The following PIEZO2 variants were observed in gnomAD, a reference collection of about 807,000 sequenced individuals.
The protein encoded by PIEZO2 is piezo type mechanosensitive ion channel component 2.
In PIEZO2, 172 loss-of-function variants were observed where a neutral mutation model predicts 337.3. The observed-to-expected ratio is 0.51, with a 90% CI of 0.45 to 0.58. The LOEUF (loss-of-function observed/expected upper bound fraction) is 0.58, where lower values mean the gene tolerates loss of function less well. Among genes scored for constraint, PIEZO2 ranks in the 20% least tolerant of loss-of-function variants. PIEZO2 has a pLI of 0.00. For missense variants in PIEZO2, 3,028 were observed against 3,391.3 expected (o/e 0.89, Z 2.66); for synonymous variants, 1,251 against 1,228.5 (o/e 1.02, Z -0.38).
chr18:10,799,950 G>A (rs1271718843), intron 11 of PIEZO2, among the ~76,000 whole-genome samples: 1 of 139,690 alleles, frequency 7.2e-6, no homozygotes, highest in Non-Finnish European at 1.5e-5. Flanking sequence ...TCCAGCCTGG[G>A]AGACAGAGCG....
At position 10,818,761 on chromosome 18, in the gene PIEZO2, C is replaced by A. The variant is rs188968016; in HGVS notation, c.918-11487G>T. On this transcript the variant is annotated intron_variant, in intron 7 of 55. Transcript: ENST00000674853. ...TTAGTCTCAAAATATTTGTTTAGAGCATCCTCACGGGTGTTCCCTACCATT... is the reference window on the plus strand; with the variant it reads ...TTAGTCTCAAAATATTTGTTTAGAGAATCCTCACGGGTGTTCCCTACCATT... 1.7e-3 allele frequency among the ~76,000 whole-genome samples: 261 copies of A among 152,262 alleles called. 2 individuals are homozygous for A. Among genetic ancestry groups the A allele is most frequent in the African/African-American group, 6.0e-3 (250 of 41,558 alleles).
chr18:10,980,289 G>C lies in PIEZO2; in HGVS notation c.161-629C>G, dbSNP rs1568262931. 6.6e-6 allele frequency among the ~76,000 whole-genome samples: 1 copy of C among 151,838 alleles called. No individual in the cohort carries two copies. The highest frequency in any genetic ancestry group is 1.5e-5 in the Non-Finnish European group (1 of 67,986). On this transcript the variant is annotated intron_variant, in intron 2 of 55. Coordinates refer to ENST00000674853, the MANE Select transcript of PIEZO2 (RefSeq NM_001378183.1). The surrounding 1 kb of genome is among the most constrained non-coding windows in gnomAD (Gnocchi z 4.8). ...TCACACACTAGTGGGTTGCTATCAT[G>C]GTTTTCTCAATTGGCACCAAAGAAA...
At chr18:10,697,653 A>C in intron 45 of PIEZO2, 95 bp downstream of exon 45, 1 of 1,471,468 alleles carries the variant, frequency 6.8e-7, no homozygotes, top group East Asian at 2.3e-5. Flanking sequence ...GTGACACGAG[A>C]AGTTACTTCT....
At chr18:10,689,627 G>T in intron 49 of PIEZO2, 28 bp downstream of exon 49, 4 of 1,613,956 alleles carry the variant, frequency 2.5e-6, no homozygotes, top group Non-Finnish European at 3.4e-6. Flanking sequence ...AAGCAGACAG[G>T]AATAAGGCAC....
At chr18:10,875,205 T>C (rs1249673214) in intron 4 of PIEZO2, among the ~76,000 whole-genome samples, 1 of 152,172 alleles carries the variant, frequency 6.6e-6, no homozygotes, top group Non-Finnish European at 1.5e-5. Context: ...GTTAAAGGTC[T>C]TAAAATACAG....
rs977729273 is a variant in PIEZO2 at position 11,031,476 on chromosome 18, A to G, written c.160+34651T>C. The stretch of plus-strand genomic sequence containing the variant: ...AGAGTGTTTTCATTTTGGTTTAGTT[A>G]TTTCTTCAAAATAGCTGAATTTTAT... On this transcript the variant is annotated intron_variant, in intron 2 of 55. Coordinates refer to ENST00000674853, the MANE Select transcript of PIEZO2 (RefSeq NM_001378183.1). This position sits in a 1 kb window ranked among gnomAD's most constrained non-coding sequence, Gnocchi z 4.7. 6.6e-6 allele frequency among the ~76,000 whole-genome samples: 1 copy of G among 152,122 alleles called. No homozygotes were observed. The highest frequency in any genetic ancestry group is 1.5e-5 in the Non-Finnish European group (1 of 68,006).
intron 1 of PIEZO2, among the ~76,000 whole-genome samples, chr18:11,147,501 G>A (rs573905942): frequency 1.2e-4 from 18 of 152,326 alleles, no homozygotes; most frequent in Admixed American, 2.0e-4. Context: ...GATCAACCTC[G>A]GTCAAGATGC....
At chr18:10,963,690 G>A (rs559749453) in intron 3 of PIEZO2, among the ~76,000 whole-genome samples, 238 of 152,246 alleles carry the variant, frequency 1.6e-3, no homozygotes, top group Non-Finnish European at 2.8e-3. Flanking sequence ...TAATACTACC[G>A]TAACAAAAGC....
intron 7 of PIEZO2, among the ~76,000 whole-genome samples, chr18:10,827,725 GCAGTTA>G (rs1330638841): frequency 6.6e-6 from 1 of 152,166 alleles, no homozygotes; most frequent in Non-Finnish European, 1.5e-5. Context: ...AGATTTTGCA[GCAGTTA>G]CAGATGAAGG....
At position 10,775,042 on chromosome 18, in the gene PIEZO2, C is replaced by T. The variant is rs562323294; in HGVS notation, c.2535-1004G>A. ...TCGTAAGGAATCCACATTGTCCCTA[C>T]GCTTTTAGATTATCATTCAAACAAT... is the stretch of plus-strand genomic sequence containing the variant. On this transcript the variant is annotated intron_variant, in intron 18 of 55. Coordinates refer to ENST00000674853, the MANE Select transcript of PIEZO2 (RefSeq NM_001378183.1). This position sits in a 1 kb window ranked among gnomAD's most constrained non-coding sequence, Gnocchi z 4.3. 3.9e-5 allele frequency among the ~76,000 whole-genome samples: 6 copies of T among 152,324 alleles called. No homozygotes were observed. Among genetic ancestry groups the T allele is most frequent in the East Asian group, 1.9e-4 (1 of 5,186 alleles).
chr18:10,948,636 G>C (rs941859732), intron 3 of PIEZO2, among the ~76,000 whole-genome samples: 3 of 152,130 alleles, frequency 2.0e-5, no homozygotes, highest in Non-Finnish European at 4.4e-5. Context: ...GTGCTGTGGG[G>C]TACTGTGTGC....
intron 27 of PIEZO2, among the ~76,000 whole-genome samples, chr18:10,753,817 C>G (rs1287820164): frequency 6.6e-6 from 1 of 152,146 alleles, no homozygotes; most frequent in African/African-American, 2.4e-5. Context: ...AACTTTTACC[C>G]TTTATTCTTT....
At chr18:10,938,855 G>A (rs1324626904) in intron 3 of PIEZO2, among the ~76,000 whole-genome samples, 1 of 152,158 alleles carries the variant, frequency 6.6e-6, no homozygotes, top group Non-Finnish European at 1.5e-5. Context: ...GGGAGGCTGA[G>A]GCAGGCAGAT....
rs186582615 is a variant in PIEZO2, at chr18:11,131,760, T to C, written c.64+16765A>G. 6.6e-6 allele frequency among the ~76,000 whole-genome samples: 1 copy of C among 152,314 alleles called. No individual in the cohort carries two copies. Among genetic ancestry groups the C allele is most frequent in the Non-Finnish European group, 1.5e-5 (1 of 68,012 alleles). ...GAGGTTTGTGGATGGACCTGAGTGGTCAAAAACTGTGAAGATATTTGTATC... is the reference window on the plus strand; with the variant it reads ...GAGGTTTGTGGATGGACCTGAGTGGCCAAAAACTGTGAAGATATTTGTATC... On this transcript the variant is annotated intron_variant, in intron 1 of 55. Coordinates refer to ENST00000674853, the MANE Select transcript of PIEZO2 (RefSeq NM_001378183.1). The surrounding 1 kb of genome is among the most constrained non-coding windows in gnomAD (Gnocchi z 5.3).
At position 11,105,004 on chromosome 18, in the gene PIEZO2, C is replaced by T. The variant is rs1226993711; in HGVS notation, c.65-38782G>A. Among the ~76,000 whole-genome samples, 1 of 152,110 alleles carries T rather than the reference C, an allele frequency of 6.6e-6. No homozygotes were observed. The highest frequency in any genetic ancestry group is 1.5e-5 in the Non-Finnish European group (1 of 68,028). ...GCTAATGGAAAAGAGATACTTTTGTCATGGGAATCACTAGCTCGAAGTCTG... is the reference window on the plus strand; with the variant it reads ...GCTAATGGAAAAGAGATACTTTTGTTATGGGAATCACTAGCTCGAAGTCTG... On this transcript the variant is annotated intron_variant, in intron 1 of 55. Coordinates refer to ENST00000674853, the MANE Select transcript of PIEZO2 (RefSeq NM_001378183.1). The surrounding 1 kb of genome is among the most constrained non-coding windows in gnomAD (Gnocchi z 4.3).
Position 11,131,980 on chromosome 18 carries a change from C to T in PIEZO2, c.64+16545G>A, listed in dbSNP as rs978565287. 1.3e-5 allele frequency among the ~76,000 whole-genome samples: 2 copies of T among 152,198 alleles called. No individual in the cohort carries two copies. Among genetic ancestry groups the T allele is most frequent in the African/African-American group, 4.8e-5 (2 of 41,448 alleles). ...TAACAAGGACTTCCATTGACCAAGG[C>T]TGACCTGGCTGCAGCCGCTGCTGAG... On this transcript the variant is annotated intron_variant, in intron 1 of 55. Transcript: ENST00000674853. This position sits in a 1 kb window ranked among gnomAD's most constrained non-coding sequence, Gnocchi z 5.3.
intron 2 of PIEZO2, among the ~76,000 whole-genome samples, chr18:11,010,502 A>G (rs1490515302): frequency 6.6e-6 from 1 of 152,204 alleles, no homozygotes; most frequent in Non-Finnish European, 1.5e-5. Context: ...CACTAGGAAC[A>G]GAAATGAAAC....
chr18:11,129,922 C>T lies in PIEZO2; in HGVS notation c.64+18603G>A, dbSNP rs1040658312. On this transcript the variant is annotated intron_variant, in intron 1 of 55. Transcript: ENST00000674853. The surrounding 1 kb of genome is among the most constrained non-coding windows in gnomAD (Gnocchi z 4.6). ...TGGGTCCCCAGCCTCATCCTGTGGTCATTTCCCCAATGCCAGAATGCATAA... is the reference window on the plus strand; with the variant it reads ...TGGGTCCCCAGCCTCATCCTGTGGTTATTTCCCCAATGCCAGAATGCATAA... Among the ~76,000 whole-genome samples, 2 of 152,138 alleles carry T rather than the reference C, an allele frequency of 1.3e-5. No homozygotes were observed. Among genetic ancestry groups the T allele is most frequent in the Admixed American group, 6.5e-5 (1 of 15,278 alleles).
chr18:10,726,439 G>C lies in PIEZO2; in HGVS notation c.5029+4968C>G. The C allele has an allele frequency of 2.0e-6, 3 of 1,530,020 alleles. No homozygotes were observed. The highest frequency in any genetic ancestry group is 2.3e-4 in the Middle Eastern group (1 of 4,366). 94.8% of individuals were successfully genotyped at this position (1,530,020 alleles called of 1,614,324 possible). The stretch of plus-strand genomic sequence containing the variant: ...AACGCGGAGGGCCGGCTGCGGTACG[G>C]GCTACGGCCGGCGAACCCCACGAGG... On this transcript the variant is annotated intron_variant, in intron 36 of 55. Transcript: ENST00000674853. The surrounding 1 kb of genome is among the most constrained non-coding windows in gnomAD (Gnocchi z 5.9).
Sources: allele counts gnomAD v4.1 joint callset (sites outside exome capture counted in the v4.1 genomes callset), GRCh38; gene constraint gnomAD v4.1.1; non-coding constraint Gnocchi (gnomAD v3.1); transcripts MANE v1.5; gene names NCBI Gene and HGNC (gene_info 2026-07-23, HGNC 2026-07-21).